The following ROR1 variants were observed in gnomAD, a reference collection of about 807,000 sequenced individuals.
ROR1 encodes the protein ROR family WNT receptor 1, also known as inactive tyrosine-protein kinase transmembrane receptor ROR1.
Under a neutral mutation model 78.8 loss-of-function variants are expected in ROR1, and 19 were observed. The observed-to-expected ratio is 0.24, with a 90% CI of 0.17 to 0.35. The LOEUF is 0.35. ROR1 is among the 10% of genes least tolerant of loss of function. The pLI, the probability that ROR1 is intolerant of heterozygous loss-of-function variation, is 1.00. For synonymous variants in ROR1, 386 were observed against 433.6 expected, an observed-to-expected ratio of 0.89 and a Z score of 1.36; for missense variants, 917 against 1,177.8, an observed-to-expected ratio of 0.78 and a Z score of 3.24.
intron 2 of ROR1, among the ~76,000 whole-genome samples, chr1:64,020,547 G>A (rs1043245212): frequency 1.3e-5 from 2 of 152,270 alleles, no homozygotes; most frequent in African/African-American, 4.8e-5. Flanking sequence ...GATAGGTGCT[G>A]CAAAGGAGAT....
intron 8 of ROR1, among the ~76,000 whole-genome samples, chr1:64,167,277 T>C (rs576990315): frequency 1.7e-4 from 26 of 152,310 alleles, no homozygotes; most frequent in East Asian, 5.8e-4. Flanking sequence ...ACCTCTCCCA[T>C]TGGCATTATA....
intron 1 of ROR1, among the ~76,000 whole-genome samples, chr1:63,899,796 C>A (rs1327433323): frequency 6.6e-6 from 1 of 151,586 alleles, no homozygotes; most frequent in Admixed American, 6.6e-5. Flanking sequence ...TTTTTATGTG[C>A]GATTGGACAA....
chr1:64,071,715 G>A (rs911699330), intron 4 of ROR1, among the ~76,000 whole-genome samples: 3 of 152,146 alleles, frequency 2.0e-5, no homozygotes, highest in African/African-American at 7.2e-5. Flanking sequence ...GAAGGATGTG[G>A]ATGTGTCTCT....
chr1:64,092,292 G>A (rs1489798564), intron 4 of ROR1, among the ~76,000 whole-genome samples: 3 of 152,114 alleles, frequency 2.0e-5, no homozygotes, highest in African/African-American at 7.2e-5. Flanking sequence ...AAATCTTCTG[G>A]GAATGATCCC....
chr1:63,879,110 C>T (rs975659795), intron 1 of ROR1, among the ~76,000 whole-genome samples: 5 of 151,986 alleles, frequency 3.3e-5, no homozygotes, highest in African/African-American at 1.2e-4. Flanking sequence ...TGAGCAGGAA[C>T]GCAAGCTTTG....
chr1:63,978,254 G>T (rs545285722), intron 1 of ROR1, among the ~76,000 whole-genome samples: 1 of 152,338 alleles, frequency 6.6e-6, no homozygotes, highest in African/African-American at 2.4e-5. Flanking sequence ...TCAGTTTGAT[G>T]TTTATTAAAT....
chr1:63,959,687 A>G (rs746512162), intron 1 of ROR1, among the ~76,000 whole-genome samples: 1 of 152,192 alleles, frequency 6.6e-6, no homozygotes, highest in Admixed American at 6.5e-5. Flanking sequence ...GCACAGTTAG[A>G]CAGCCGGCTT....
chr1:64,158,867 G>T, intron 7 of ROR1, 114 bp from the exon 8 acceptor site: 1 of 731,002 alleles, frequency 1.4e-6, no homozygotes, highest in South Asian at 1.8e-5. Context: ...TCTCACAGTG[G>T]ATTTGTGTGT....
chr1:63,951,245 T>C (rs1338736124), intron 1 of ROR1, among the ~76,000 whole-genome samples: 1 of 152,150 alleles, frequency 6.6e-6, no homozygotes, highest in Non-Finnish European at 1.5e-5. Flanking sequence ...TCAGAGAATG[T>C]GGGAGGTGGC....
intron 8 of ROR1, among the ~76,000 whole-genome samples, chr1:64,168,908 G>A (rs1650161796): frequency 6.6e-6 from 1 of 152,224 alleles, no homozygotes; most frequent in Non-Finnish European, 1.5e-5. Context: ...CTCTCAAAGT[G>A]AGGCCTCTAG....
At chr1:64,038,867 G>A (rs1422284697) in intron 2 of ROR1, among the ~76,000 whole-genome samples, 1 of 152,148 alleles carries the variant, frequency 6.6e-6, no homozygotes, top group Non-Finnish European at 1.5e-5. Context: ...AAAAAGGCAT[G>A]GTCCCATCCT....
chr1:63,821,785 G>A (rs1303482673), intron 1 of ROR1, among the ~76,000 whole-genome samples: 1 of 152,178 alleles, frequency 6.6e-6, no homozygotes, highest in Admixed American at 6.5e-5. Flanking sequence ...TTTGGCCGGA[G>A]GAAAATGTAG....
At chr1:63,862,391 C>CA (rs1164915396) in intron 1 of ROR1, among the ~76,000 whole-genome samples, 1,771 of 55,484 alleles carry the variant, frequency 0.032, 72 homozygotes, top group East Asian at 0.063. Flanking sequence ...GAGACTGTCT[C>CA]AAAAAAAAAA....
intron 1 of ROR1, among the ~76,000 whole-genome samples, chr1:63,800,763 T>C (rs1195668311): frequency 6.6e-6 from 1 of 152,216 alleles, no homozygotes; most frequent in African/African-American, 2.4e-5. Context: ...ACATCTGAGA[T>C]GTGCTGCTCT....
chr1:64,084,953 T>C (rs1469264199), intron 4 of ROR1, among the ~76,000 whole-genome samples: 1 of 152,216 alleles, frequency 6.6e-6, no homozygotes, highest in East Asian at 1.9e-4. Context: ...TACTTTCTGA[T>C]TCCATCCAGT....
At chr1:64,056,678 A>C (rs1366080892) in intron 4 of ROR1, among the ~76,000 whole-genome samples, 2 of 137,138 alleles carry the variant, frequency 1.5e-5, no homozygotes, top group Non-Finnish European at 3.0e-5. Flanking sequence ...TCTATCTCCA[A>C]AAAAAAAAAA....
intron 4 of ROR1, among the ~76,000 whole-genome samples, chr1:64,051,233 C>A (rs904210131): frequency 1.3e-5 from 2 of 151,828 alleles, no homozygotes; most frequent in African/African-American, 4.8e-5. Flanking sequence ...GGGTGGATCA[C>A]GAGGTCAGGA....
chr1:64,001,988 G>T (rs1433187981), intron 1 of ROR1, among the ~76,000 whole-genome samples: 3 of 152,206 alleles, frequency 2.0e-5, no homozygotes, highest in East Asian at 1.9e-4. Flanking sequence ...TGTGGTGGGG[G>T]TGGTGGCTAG....
At chr1:63,808,445 C>T (rs569641424) in intron 1 of ROR1, among the ~76,000 whole-genome samples, 1 of 152,298 alleles carries the variant, frequency 6.6e-6, no homozygotes, top group African/African-American at 2.4e-5. Flanking sequence ...GACAAATATA[C>T]TTCTATCTTG....
Sources: allele counts gnomAD v4.1 joint callset (sites outside exome capture counted in the v4.1 genomes callset), GRCh38; gene constraint gnomAD v4.1.1; transcripts MANE v1.5; gene names NCBI Gene and HGNC (gene_info 2026-07-23, HGNC 2026-07-21).